The following GARNL3 variants were observed in gnomAD, a reference collection of about 807,000 sequenced individuals.
GARNL3 encodes the protein GTPase activating Rap/RanGAP domain like 3.
Under a neutral mutation model 125.0 loss-of-function variants are expected in GARNL3, and 63 were observed. That is an observed-to-expected ratio of 0.50 (90% CI 0.41 to 0.62). The LOEUF (loss-of-function observed/expected upper bound fraction) is 0.62, where lower values mean the gene tolerates loss of function less well. GARNL3 is among the 20% of genes least tolerant of loss of function. The pLI, the probability that GARNL3 is intolerant of heterozygous loss-of-function variation, is 0.00. For missense variants in GARNL3, 994 were observed against 1,244.0 expected, an observed-to-expected ratio of 0.80 and a Z score of 3.02; for synonymous variants, 439 against 457.5, an observed-to-expected ratio of 0.96 and a Z score of 0.52.
intron 1 of GARNL3, among the ~76,000 whole-genome samples, chr9:127,271,328 C>A (rs1014707768): frequency 2.0e-5 from 3 of 150,286 alleles, no homozygotes; most frequent in Non-Finnish European, 4.4e-5. Flanking sequence ...TAGAACCAAG[C>A]ACAATGCTTA....
intron 2 of GARNL3, among the ~76,000 whole-genome samples, chr9:127,294,096 A>G (rs927113846): frequency 6.6e-6 from 1 of 152,058 alleles, no homozygotes; most frequent in Non-Finnish European, 1.5e-5. Flanking sequence ...CAGGGCTCCT[A>G]TTGGACTTGC....
chr9:127,357,497 G>A, intron 21 of GARNL3, 120 bp downstream of exon 21: 9 of 918,986 alleles, frequency 9.8e-6, no homozygotes, highest in African/African-American at 1.7e-5. Flanking sequence ...CATCACATCA[G>A]TATTATGTGA....
At chr9:127,345,551 A>C in intron 16 of GARNL3, 74 bp downstream of exon 16, 1 of 1,022,306 alleles carries the variant, frequency 9.8e-7, no homozygotes, top group Non-Finnish European at 1.5e-6. Flanking sequence ...GATTATTGGA[A>C]AAAGGTTTGA....
chr9:127,371,601 T>C (rs906714098), intron 22 of GARNL3, among the ~76,000 whole-genome samples: 1 of 152,244 alleles, frequency 6.6e-6, no homozygotes, highest in Non-Finnish European at 1.5e-5. Flanking sequence ...AGGCAAATTT[T>C]ATGTAGAATA....
intron 17 of GARNL3, 25 bp from the exon 18 acceptor site, chr9:127,353,821 T>G (rs1830536290): frequency 1.3e-6 from 2 of 1,523,800 alleles, no homozygotes; most frequent in African/African-American, 1.4e-5. Context: ...GTTGCAGTGA[T>G]GGGTAACCAG....
At chr9:127,381,768 T>C (rs1364293298) in intron 22 of GARNL3, among the ~76,000 whole-genome samples, 3 of 151,330 alleles carry the variant, frequency 2.0e-5, no homozygotes, top group Non-Finnish European at 4.4e-5. Flanking sequence ...GGCTAATTTT[T>C]TTTTTTTTTT....
At chr9:127,226,820 A>G (rs1343552664) in intron 1 of GARNL3, among the ~76,000 whole-genome samples, 2 of 152,226 alleles carry the variant, frequency 1.3e-5, no homozygotes, top group Non-Finnish European at 2.9e-5. Flanking sequence ...TGGTGCTTAC[A>G]TGCTTGTTGC....
chr9:127,267,476 T>C (rs986496670), intron 1 of GARNL3, among the ~76,000 whole-genome samples: 2 of 152,214 alleles, frequency 1.3e-5, no homozygotes, highest in Admixed American at 1.3e-4. Flanking sequence ...TTCAGAGTCA[T>C]ATTTTAATGG....
At chr9:127,379,008 C>T (rs1832098157) in intron 22 of GARNL3, among the ~76,000 whole-genome samples, 1 of 152,164 alleles carries the variant, frequency 6.6e-6, no homozygotes, top group South Asian at 2.1e-4. Flanking sequence ...AAACTCCTGA[C>T]CTCAAGTGAT....
At chr9:127,332,177 G>C in intron 7 of GARNL3, 97 bp from the exon 8 acceptor site, 1 of 820,696 alleles carries the variant, frequency 1.2e-6, no homozygotes, top group South Asian at 1.5e-5. Flanking sequence ...GTCCATCCTG[G>C]TGACTGCCAT....
At chr9:127,370,266 C>G (rs1356173668) in intron 22 of GARNL3, among the ~76,000 whole-genome samples, 1 of 152,176 alleles carries the variant, frequency 6.6e-6, no homozygotes, top group South Asian at 2.1e-4. Context: ...TGCCCCGCAG[C>G]ACAGGCCTTG....
At chr9:127,345,217 G>A (rs866087979) in intron 15 of GARNL3, among the ~76,000 whole-genome samples, 186 bp from the exon 16 acceptor site, 8 of 152,128 alleles carry the variant, frequency 5.3e-5, no homozygotes, top group Non-Finnish European at 8.8e-5. Flanking sequence ...TTTGGGTTGC[G>A]ACATTGTCAT....
At chr9:127,287,949 G>A (rs564511714) in intron 1 of GARNL3, among the ~76,000 whole-genome samples, 1 of 152,104 alleles carries the variant, frequency 6.6e-6, no homozygotes, top group Admixed American at 6.5e-5. Context: ...TATCCCTTTG[G>A]CCATTTGCAA....
At chr9:127,243,826 G>T (rs2063245652) in intron 2 of GARNL3, among the ~76,000 whole-genome samples, 1 of 152,118 alleles carries the variant, frequency 6.6e-6, no homozygotes, top group Non-Finnish European at 1.5e-5. Context: ...TGAATCCCCA[G>T]GCCTTTGTTA....
intron 1 of GARNL3, among the ~76,000 whole-genome samples, chr9:127,273,038 G>A (rs1054906504): frequency 6.6e-6 from 1 of 151,842 alleles, no homozygotes; most frequent in South Asian, 2.1e-4. Flanking sequence ...TGCTTACCAC[G>A]TACCAGTCTC....
chr9:127,346,696 T>G (rs1315109503), intron 16 of GARNL3, among the ~76,000 whole-genome samples: 1 of 152,302 alleles, frequency 6.6e-6, no homozygotes, highest in East Asian at 1.9e-4. Flanking sequence ...CCGCAGGCCG[T>G]AGACCACCTC....
At chr9:127,373,257 G>T (rs934410372) in intron 22 of GARNL3, among the ~76,000 whole-genome samples, 1 of 152,204 alleles carries the variant, frequency 6.6e-6, no homozygotes, top group Non-Finnish European at 1.5e-5. Context: ...CTCAAGTATT[G>T]CTATTGCTGT....
chr9:127,330,598 G>C (rs1341155975), intron 7 of GARNL3, among the ~76,000 whole-genome samples: 1 of 152,210 alleles, frequency 6.6e-6, no homozygotes, highest in Non-Finnish European at 1.5e-5. Context: ...GGTAGAAACA[G>C]ATACGCAAGT....
intron 1 of GARNL3, among the ~76,000 whole-genome samples, chr9:127,267,952 A>G (rs1392356858): frequency 6.6e-6 from 1 of 152,258 alleles, no homozygotes; most frequent in Non-Finnish European, 1.5e-5. Context: ...CATTCATATC[A>G]GTAATGAGAG....
Sources: allele counts gnomAD v4.1 joint callset (sites outside exome capture counted in the v4.1 genomes callset), GRCh38; gene constraint gnomAD v4.1.1; transcripts MANE v1.5; gene names NCBI Gene and HGNC (gene_info 2026-07-23, HGNC 2026-07-21).